The following USP11 variants were observed in gnomAD, a reference collection of about 807,000 sequenced individuals.
The protein encoded by USP11 is ubiquitin specific peptidase 11, also known as ubiquitin carboxyl-terminal hydrolase 11.
A neutral mutation model predicts 72.8 loss-of-function variants in USP11; 5 were observed. That is an observed-to-expected ratio of 0.07 (90% CI 0.04 to 0.14). The LOEUF is 0.14. USP11 is among the 10% of genes least tolerant of loss of function. The pLI is 1.00. For missense variants in USP11, 480 were observed against 794.7 expected (o/e 0.60, Z 4.76); for synonymous variants, 368 against 326.5 (o/e 1.13, Z -1.37).
intron 7 of USP11, 184 bp from the exon 8 acceptor site, chrX:47,241,093 C>A: frequency 1.8e-6 from 1 of 561,569 alleles, no homozygotes; most frequent in Non-Finnish European, 2.8e-6. Flanking sequence ...TTCCCTGTTC[C>A]CACGTTCTTC....
chrX:47,248,280 G>C lies in USP11; in HGVS notation c.*350G>C, dbSNP rs1307229061. 4.8e-6 allele frequency: 1 copy of C among 210,235 alleles called. No homozygotes were observed. Among genetic ancestry groups the C allele is most frequent in the Non-Finnish European group, 8.4e-6 (1 of 118,512 alleles). 17.3% of individuals were successfully genotyped at this position (210,235 alleles called of 1,213,427 possible). A position where few individuals can be genotyped will look rare whatever the true frequency, so the allele number is the denominator to read the frequency against. On this transcript the variant is annotated 3_prime_UTR_variant, in exon 21 of 21. Transcript: ENST00000377107. ...GAGTGTATTTTCTTATTGAGGCCCT[G>C]TACCTTCTGCTGTGTGTGTGTATAT...
intron 1 of USP11, chrX:47,233,522 C>G (rs1260938470): frequency 1.7e-5 from 16 of 931,280 alleles, no homozygotes; most frequent in Non-Finnish European, 2.1e-5. Flanking sequence ...TGCGTAGGAA[C>G]CTGGGAAGAA....
At chrX:47,233,357 C>T in intron 1 of USP11, 138 bp downstream of exon 1, 1 of 908,908 alleles carries the variant, frequency 1.1e-6, no homozygotes, top group Non-Finnish European at 1.4e-6. Flanking sequence ...GGACAGCGGG[C>T]TAAAGGGGCG....
chrX:47,235,335 C>T (rs1477898710), intron 1 of USP11, among the ~76,000 whole-genome samples: 2 of 112,071 alleles, frequency 1.8e-5, no homozygotes, highest in Non-Finnish European at 3.8e-5. Flanking sequence ...ACATGGTATC[C>T]ACATGGCATC....
chrX:47,242,502 A>G lies in USP11; in HGVS notation c.1468A>G (p.Thr490Ala), dbSNP rs2055408743. The change falls in exon 11 of 21, where the codon ACG becomes GCG. Residue 490 changes from threonine to alanine, a missense_variant. This residue lies in a region of USP11 where 314 missense variants were observed against 556.0 expected (regional missense o/e 0.56). Transcript: ENST00000377107. Reference protein sequence around the residue: ...SDLCVALSKHTGISPERMMVA... With the variant: ...SDLCVALSKHAGISPERMMVA... ...TCTATGTGTGGCTCTGTCCAAACACACGGGCATCTCGCCAGAGAGGGTGAG... is the reference window on the plus strand; with the variant it reads ...TCTATGTGTGGCTCTGTCCAAACACGCGGGCATCTCGCCAGAGAGGGTGAG... The G allele has an allele frequency of 4.1e-6, 5 of 1,211,967 alleles. No homozygotes were observed. The highest frequency in any genetic ancestry group is 5.6e-6 in the Non-Finnish European group (5 of 895,566).
At chrX:47,238,487 C>CTTTTTTT (rs57112058) in intron 1 of USP11, among the ~76,000 whole-genome samples, 3 of 44,299 alleles carry the variant, frequency 6.8e-5, no homozygotes, top group Non-Finnish European at 1.1e-4. Context: ...TGTGCCCGGT[C>CTTTTTTT]TTTTTTTTTT....
chrX:47,243,090 C>T (rs777386284), intron 12 of USP11, among the ~76,000 whole-genome samples: 6 of 110,713 alleles, frequency 5.4e-5, no homozygotes, highest in Non-Finnish European at 1.1e-4. Context: ...GGTGAAACCC[C>T]GTCTCTACTA....
In USP11 at chrX:47,244,366, C is replaced by G. The variant is rs368843628; in HGVS notation, c.1791-132C>G. 26 of 731,457 alleles carry G rather than the reference C, an allele frequency of 3.6e-5. No individual in the cohort carries two copies. The African/African-American group carries it at 4.8e-4, about 13-fold the overall frequency. The allele number at this position is 731,457 out of a possible 1,213,427, so 60.3% of individuals were successfully genotyped here. ...GCATTTACGCGTCACCCCTTCAGCC[C>G]TCTCACACCTCAGATTCAGAACGGT... is the stretch of plus-strand genomic sequence containing the variant. On this transcript the variant is annotated intron_variant, in intron 13 of 20. Coordinates refer to ENST00000377107, the MANE Select transcript of USP11 (RefSeq NM_001371072.1).
intron 1 of USP11, chrX:47,233,893 C>A (rs902184022): frequency 8.9e-6 from 1 of 112,186 alleles, no homozygotes; most frequent in Non-Finnish European, 1.9e-5. Context: ...GAAGCCTTCC[C>A]GAGTCGAGAG....
chrX:47,242,600 G>A, intron 11 of USP11, 26 bp from the exon 12 acceptor site: 1 of 1,204,740 alleles, frequency 8.3e-7, no homozygotes. Context: ...CAGACTAACA[G>A]TCCCCTCTCC....
At chrX:47,247,005 A>C in intron 17 of USP11, 67 bp from the exon 18 acceptor site, 2 of 1,125,457 alleles carry the variant, frequency 1.8e-6, no homozygotes, top group South Asian at 4.4e-5. Context: ...TGGGCAACAG[A>C]GCGATTCTCT....
Position 47,242,241 on chromosome X carries a change from A to G in USP11, c.1339A>G (p.Ile447Val), listed in dbSNP as rs368273184. Residue 447 changes from isoleucine to valine, a missense_variant, in exon 10 of 21, where the codon ATC becomes GTC. By Grantham distance (29) the Ile-to-Val change is conservative. This residue lies in a region of USP11 where 314 missense variants were observed against 556.0 expected (regional missense o/e 0.56). Transcript: ENST00000377107. ...CTGCTACCTCAGTGTTCCACTGCCT[A>G]TCAGCCACAAGAGGGTCTTGGAGGT... is the stretch of plus-strand genomic sequence containing the variant. ...PFCYLSVPLP[I>V]SHKRVLEVFF... 46 of 1,210,386 alleles carry G rather than the reference A, an allele frequency of 3.8e-5. No homozygotes were observed. In the African/African-American group the frequency reaches 4.4e-4, roughly 11 times the overall value.
intron 1 of USP11, among the ~76,000 whole-genome samples, chrX:47,234,888 A>G (rs2055364688): frequency 8.9e-6 from 1 of 112,431 alleles, no homozygotes; most frequent in African/African-American, 3.2e-5. Flanking sequence ...AAATAAATAA[A>G]AATACCAAAA....
At chrX:47,237,478 A>C (rs1224811867) in intron 1 of USP11, among the ~76,000 whole-genome samples, 1 of 111,319 alleles carries the variant, frequency 9.0e-6, no homozygotes, top group African/African-American at 3.3e-5. Context: ...TGAACAAGGG[A>C]AAGTTGACAT....
In USP11 at chrX:47,240,345, G is replaced by C. The variant is rs745874247; in HGVS notation, c.576G>C (p.Glu192Asp). Residue 192 changes from glutamate (E) to aspartate (D), a missense_variant, in exon 5 of 21, where the codon GAG becomes GAC. By Grantham distance (45) the Glu-to-Asp change is conservative (BLOSUM62 2). Coordinates refer to ENST00000377107, the MANE Select transcript of USP11 (RefSeq NM_001371072.1). ...CAGCTCGGGAGCGGTTTCTGGTGGAGCCCCAGGAAGACACTCGGCTTTGGG... is the reference window on the plus strand; with the variant it reads ...CAGCTCGGGAGCGGTTTCTGGTGGACCCCCAGGAAGACACTCGGCTTTGGG... ...LRTARERFLV[E>D]PQEDTRLWAK... The C allele has an allele frequency of 1.3e-5, 16 of 1,210,051 alleles. No homozygotes were observed. The African/African-American group carries it at 1.9e-4, about 15-fold the overall frequency.
rs2055446197 is a variant in USP11 at position 47,248,058 on chromosome X, T to C, written c.*128T>C. The C allele has an allele frequency of 8.3e-6, 8 of 968,061 alleles. No individual in the cohort carries two copies. The allele number at this position is 968,061 out of a possible 1,213,427, so 79.8% of individuals were successfully genotyped here. A position where few individuals can be genotyped will look rare whatever the true frequency, so the allele number is the denominator to read the frequency against. The stretch of plus-strand genomic sequence containing the variant: ...CAGGCATTGCAGGCTTAGTCGTGGC[T>C]ACTGTTCTCCTGTGCCGCTGCATCG... On this transcript the variant is annotated 3_prime_UTR_variant, in exon 21 of 21. Transcript: ENST00000377107.
In USP11 at chrX:47,247,325, T is replaced by G. The variant is rs1314288453; in HGVS notation, c.2442T>G (p.Phe814Leu). 1.7e-6 allele frequency: 2 copies of G among 1,211,611 alleles called. No homozygotes were observed. Residue 814 changes from phenylalanine (F) to leucine (L), a missense_variant, in exon 19 of 21, where the codon TTT (phenylalanine) becomes TTG (leucine). By Grantham distance (22) the Phe-to-Leu change is conservative. Coordinates refer to ENST00000377107, the MANE Select transcript of USP11 (RefSeq NM_001371072.1). ...ACAGGGACCTGGACTTCTCTGAGTT[T>G]GTCATCCAGCCACAGAATGAGTCGA... ...FPIRDLDFSE[F>L]VIQPQNESNP...
At chrX:47,246,569 T>C (rs904642167) in intron 17 of USP11, among the ~76,000 whole-genome samples, 2 of 111,246 alleles carry the variant, frequency 1.8e-5, no homozygotes, top group Non-Finnish European at 3.8e-5. Context: ...TGAGCACATA[T>C]ACAAAAGATA....
chrX:47,233,276 C>T (rs1329656931), intron 1 of USP11, 57 bp downstream of exon 1: 96 of 898,888 alleles, frequency 1.1e-4, no homozygotes, highest in Non-Finnish European at 1.2e-4. Flanking sequence ...CATTGACAAC[C>T]GCTGGGGATT....
Sources: gnomAD v4.1 joint callset for allele counts (sites outside exome capture counted in the v4.1 genomes callset) on GRCh38, gnomAD v4.1.1 for gene constraint, gnomAD v4.1.1 regional missense constraint, MANE v1.5 for transcripts, NCBI Gene and HGNC (gene_info 2026-07-23, HGNC 2026-07-21) for gene names.